PLPP5: variants seen among roughly 807,000 people sequenced by gnomAD.
PLPP5 encodes the protein diacylglycerol pyrophosphate like 1.
PLPP5 carries 29 observed loss-of-function variants against 23.6 expected under a neutral mutation model. That is an observed-to-expected ratio of 1.23 (90% CI 0.92 to 1.68). The LOEUF (loss-of-function observed/expected upper bound fraction) is 1.68. Ranked by LOEUF, PLPP5 falls within the 40% of genes most tolerant of loss-of-function variation. The pLI is 0.00. For missense variants in PLPP5, 315 were observed against 332.1 expected, an observed-to-expected ratio of 0.95 and a Z score of 0.40; for synonymous variants, 143 against 131.3, an observed-to-expected ratio of 1.09 and a Z score of -0.61.
At chr8:38,268,568 GGTCTCT>G in intron 2 of PLPP5, 107 bp from the exon 3 acceptor site, 1 of 1,479,782 alleles carries the variant, frequency 6.8e-7, no homozygotes, top group Non-Finnish European at 9.0e-7. Flanking sequence ...GCTAACATAA[GGTCTCT>G]GAGTGCGCGT....
Position 38,263,920 on chromosome 8 carries a change from C to T in PLPP5, c.*524G>A. The T allele has an allele frequency of 4.1e-6, 4 of 985,274 alleles. No homozygotes were observed. The highest frequency in any genetic ancestry group is 4.8e-6 in the Non-Finnish European group (4 of 829,870). 61.0% of individuals were successfully genotyped at this position (985,274 alleles called of 1,614,324 possible). On this transcript the variant is annotated 3_prime_UTR_variant, in exon 7 of 7. Coordinates refer to ENST00000424479, the MANE Select transcript of PLPP5 (RefSeq NM_001102559.2). ...ACCAGATTCATAAGGTGTTGGACAC[C>T]TTTGAAAGATCCTTTTACTAGAACA...
rs886617357 is a variant in PLPP5, at chr8:38,263,642, C to T, written c.*802G>A. The T allele has an allele frequency of 4.9e-5, 48 of 985,180 alleles. 1 individual carries two copies. The highest frequency in any genetic ancestry group is 5.2e-4 in the Middle Eastern group (1 of 1,936). The allele number at this position is 985,180 out of a possible 1,614,324, so 61.0% of individuals were successfully genotyped here. A position where few individuals can be genotyped will look rare whatever the true frequency, so the allele number is the denominator to read the frequency against. On this transcript the variant is annotated 3_prime_UTR_variant, in exon 7 of 7. Coordinates refer to ENST00000424479, the MANE Select transcript of PLPP5 (RefSeq NM_001102559.2). ...CAAAAGTGATAAATTACCCTAGATT[C>T]GACATTTTCCTATTTAAGGCTTGAT... is the stretch of plus-strand genomic sequence containing the variant.
At chr8:38,268,524 G>T in intron 2 of PLPP5, 63 bp from the exon 3 acceptor site, 1 of 1,540,272 alleles carries the variant, frequency 6.5e-7, no homozygotes. Context: ...GCTCCTACAG[G>T]AAAGAGGGAT....
chr8:38,267,253 T>C lies in PLPP5; in HGVS notation c.463+14A>G. The C allele has an allele frequency of 6.2e-7, 1 of 1,613,996 alleles. No homozygotes were observed. The highest frequency in any genetic ancestry group is 2.2e-5 in the East Asian group (1 of 44,882). On this transcript the variant is annotated intron_variant, in intron 5 of 6. Coordinates refer to ENST00000424479, the MANE Select transcript of PLPP5 (RefSeq NM_001102559.2). The stretch of plus-strand genomic sequence containing the variant: ...GAAAACAAGCATAGGGTAGAGTCCA[T>C]ATGATATTCATACAGGAAGAATGTC...
At chr8:38,267,209 A>C in intron 5 of PLPP5, 58 bp downstream of exon 5, 1 of 1,613,528 alleles carries the variant, frequency 6.2e-7, no homozygotes, top group Non-Finnish European at 8.5e-7. Context: ...CTAGCTTTCT[A>C]GGTTAAATTC....
rs746054374 is a variant in PLPP5 at position 38,267,885 on chromosome 8, G to C, written c.338+12C>G. 6.2e-7 allele frequency: 1 copy of C among 1,613,786 alleles called. No individual in the cohort carries two copies. Among genetic ancestry groups the C allele is most frequent in the African/African-American group, 1.3e-5 (1 of 75,058 alleles). On this transcript the variant is annotated intron_variant, in intron 4 of 6. Transcript: ENST00000424479. The stretch of plus-strand genomic sequence containing the variant: ...GAGGCAGATGCTGGGGTGGTTAGCT[G>C]TTGTCACTTACCTCCCTACGATCAG...
intron 3 of PLPP5, 88 bp downstream of exon 3, chr8:38,268,283 C>T (rs1808025093): frequency 7.9e-7 from 1 of 1,259,790 alleles, no homozygotes; most frequent in South Asian, 1.3e-5. Flanking sequence ...ACTCAGTGGC[C>T]TCCACACAGG....
At chr8:38,267,859 T>C (rs1303197679) in intron 4 of PLPP5, 38 bp downstream of exon 4, 2 of 1,603,852 alleles carry the variant, frequency 1.2e-6, no homozygotes, top group Admixed American at 1.7e-5. Flanking sequence ...GGGTAAGGGC[T>C]GAGGCAGATG....
rs1246993589 is a variant in PLPP5, at chr8:38,264,385, AGCCTCCCAAAGTGTTGG to A, written c.*42_*58del. On this transcript the variant is annotated 3_prime_UTR_variant, in exon 7 of 7. Transcript: ENST00000424479. ...TGACCTCAGGTGATCCACCCTCCTC[AGCCTCCCAAAGTGTTGG>A]GATTACAGGCATGAGCCACCACGCC... 1.7e-4 allele frequency: 229 copies of A among 1,355,598 alleles called. No homozygotes were observed. The highest frequency in any genetic ancestry group is 2.2e-4 in the Non-Finnish European group (221 of 1,007,276). The allele number at this position is 1,355,598 out of a possible 1,614,324, so 84.0% of individuals were successfully genotyped here.
chr8:38,267,871 T>C, intron 4 of PLPP5, 26 bp downstream of exon 4: 1 of 1,611,484 alleles, frequency 6.2e-7, no homozygotes, highest in Non-Finnish European at 8.5e-7. Context: ...AGGCAGATGC[T>C]GGGGTGGTTA....
intron 2 of PLPP5, 78 bp downstream of exon 2, chr8:38,268,804 C>A: frequency 6.9e-7 from 1 of 1,450,662 alleles, no homozygotes; most frequent in South Asian, 1.5e-5. Context: ...CAAAGGCCGT[C>A]TCGGGGTGGA....
chr8:38,268,064 C>T, intron 3 of PLPP5, 104 bp from the exon 4 acceptor site: 11 of 1,571,726 alleles, frequency 7.0e-6, no homozygotes, highest in Non-Finnish European at 9.5e-6. Flanking sequence ...GGATAGAATC[C>T]AACCAGGCCT....
intron 1 of PLPP5, 57 bp downstream of exon 1, chr8:38,269,069 G>A: frequency 1.3e-6 from 2 of 1,524,350 alleles, no homozygotes; most frequent in African/African-American, 1.4e-5. Flanking sequence ...GCCGCCCCGT[G>A]CCGCCCGCCT....
chr8:38,264,196 GGAGT>G lies in PLPP5; in HGVS notation c.*244_*247del. On this transcript the variant is annotated 3_prime_UTR_variant, in exon 7 of 7. Coordinates refer to ENST00000424479, the MANE Select transcript of PLPP5 (RefSeq NM_001102559.2). ...GGGGTCTCACTCTGTTGCCTAGGCT[GGAGT>G]GCAGTGGTGCGATCTCGGCTCACTG... 1 of 980,032 alleles carries G rather than the reference GGAGT, an allele frequency of 1.0e-6. No individual in the cohort carries two copies. Among genetic ancestry groups the G allele is most frequent in the East Asian group, 5.9e-5 (1 of 16,934 alleles). The allele number at this position is 980,032 out of a possible 1,614,324, so 60.7% of individuals were successfully genotyped here.
chr8:38,264,990 CG>C, intron 6 of PLPP5: 1 of 1,418,772 alleles, frequency 7.0e-7, no homozygotes, highest in Non-Finnish European at 1.0e-6. Context: ...TGCTTCTCGC[CG>C]GGCACGGTGA....
chr8:38,264,052 C>A lies in PLPP5; in HGVS notation c.*392G>T. The A allele has an allele frequency of 2.0e-6, 2 of 989,878 alleles. No homozygotes were observed. The highest frequency in any genetic ancestry group is 2.4e-6 in the Non-Finnish European group (2 of 832,952). The allele number at this position is 989,878 out of a possible 1,614,324, so 61.3% of individuals were successfully genotyped here. A position where few individuals can be genotyped will look rare whatever the true frequency, so the allele number is the denominator to read the frequency against. ...GAATACAGTGTGGCTTATGTCCTCA[C>A]TTGCACCTTGGAAGGGGAAAAAAAG... On this transcript the variant is annotated 3_prime_UTR_variant, in exon 7 of 7. Transcript: ENST00000424479.
In PLPP5 at chr8:38,268,378, G is replaced by C; in HGVS notation, c.267C>G (p.Ala89=). The change falls in exon 3 of 7, where the codon GCC becomes GCG. Residue 89 remains alanine (A), a synonymous_variant. Coordinates refer to ENST00000424479, the MANE Select transcript of PLPP5 (RefSeq NM_001102559.2). ...GAAAGGGCTAGCGCTCACCCAGGCA[G>C]GCTTGTCTGCTGTCTCTTGTGTCTG... ...KKADTRDSRQ[A]CLAASLALAL... 1 of 1,567,322 alleles carries C rather than the reference G, an allele frequency of 6.4e-7. No homozygotes were observed. The highest frequency in any genetic ancestry group is 8.7e-7 in the Non-Finnish European group (1 of 1,155,832).
In PLPP5 at chr8:38,267,387, G is replaced by C. The variant is rs773079258; in HGVS notation, c.343C>G (p.Arg115Gly). 9.3e-6 allele frequency: 15 copies of C among 1,613,156 alleles called. No individual in the cohort carries two copies. The Middle Eastern group carries it at 1.2e-3, about 124-fold the overall frequency. Residue 115 changes from arginine (R) to glycine (G), a missense_variant, in exon 5 of 7, where the codon CGC becomes GGC. Physicochemically the swap from Arg to Gly is moderately radical, Grantham distance 125. Transcript: ENST00000424479. Reference protein sequence around the residue: ...NTIKLIVGRPRPDFFYRCFPD... With the variant: ...NTIKLIVGRPGPDFFYRCFPD... Reference sequence around the variant, plus strand: ...AAGCAGCGGTAGAAGAAATCTGGGCGTGGCCTGGAAGAAAGCAGCATGGTT... The same window carrying C: ...AAGCAGCGGTAGAAGAAATCTGGGCCTGGCCTGGAAGAAAGCAGCATGGTT...
chr8:38,264,787 TATC>T, intron 6 of PLPP5, 183 bp from the exon 7 acceptor site: 3 of 1,503,108 alleles, frequency 2.0e-6, no homozygotes, highest in South Asian at 1.4e-5. Context: ...GTTACAGTAT[TATC>T]ATTGTCAGGT....
Sources: allele counts gnomAD v4.1 joint callset, GRCh38; gene constraint gnomAD v4.1.1; transcripts MANE v1.5; gene names NCBI Gene and HGNC (gene_info 2026-07-23, HGNC 2026-07-21).